The following KCNMA1 variants were observed in gnomAD, a reference collection of about 807,000 sequenced individuals.
KCNMA1 encodes the protein potassium calcium-activated channel subfamily M alpha 1.
In KCNMA1, 29 loss-of-function variants were observed where a neutral mutation model predicts 140.0. The observed-to-expected ratio is 0.21, with a 90% confidence interval of 0.15 to 0.28. KCNMA1 has a LOEUF of 0.28. KCNMA1 is among the 10% of genes least tolerant of loss of function. The pLI, the probability that KCNMA1 is intolerant of heterozygous loss-of-function variation, is 1.00. For synonymous variants in KCNMA1, 612 were observed against 611.9 expected, an observed-to-expected ratio of 1.00 and a Z score of 0.00; for missense variants, 880 against 1,602.2, an observed-to-expected ratio of 0.55 and a Z score of 7.70.
intron 1 of KCNMA1, among the ~76,000 whole-genome samples, chr10:77,624,532 T>C (rs1214431536): frequency 6.6e-6 from 1 of 152,188 alleles, no homozygotes; most frequent in Non-Finnish European, 1.5e-5. Flanking sequence ...ATTTCACTCT[T>C]GTGTTTTATA....
chr10:77,405,950 G>C (rs1029472605), intron 1 of KCNMA1, among the ~76,000 whole-genome samples: 2 of 152,218 alleles, frequency 1.3e-5, no homozygotes, highest in African/African-American at 4.8e-5. Context: ...CCCTCTGGCT[G>C]CCTGTGGCTC....
chr10:76,930,821 A>G (rs897642073), intron 23 of KCNMA1, among the ~76,000 whole-genome samples: 1 of 152,126 alleles, frequency 6.6e-6, no homozygotes, highest in African/African-American at 2.4e-5. Context: ...TAAAAAAGAA[A>G]GAAATTCTGT....
intron 23 of KCNMA1, among the ~76,000 whole-genome samples, chr10:76,931,204 G>A (rs1210282883): frequency 6.6e-6 from 1 of 152,058 alleles, no homozygotes; most frequent in Non-Finnish European, 1.5e-5. Flanking sequence ...TGATGGATGT[G>A]TTTATTAACT....
intron 20 of KCNMA1, among the ~76,000 whole-genome samples, chr10:76,967,624 T>C (rs1907725): frequency 0.48 from 72,341 of 151,936 alleles, 17,686 homozygotes; most frequent in East Asian, 0.62. Context: ...AAAGACGTGG[T>C]AAGGGAGGAG....
intron 1 of KCNMA1, among the ~76,000 whole-genome samples, chr10:77,534,609 G>A (rs185870042): frequency 7.9e-5 from 12 of 152,320 alleles, no homozygotes; most frequent in Admixed American, 7.2e-4. Context: ...GGCATCAAAA[G>A]TTCTGGGTTC....
intron 1 of KCNMA1, among the ~76,000 whole-genome samples, chr10:77,442,893 A>C (rs2097438757): frequency 6.6e-6 from 1 of 152,152 alleles, no homozygotes; most frequent in South Asian, 2.1e-4. Context: ...CATTTCCCTG[A>C]CTGTCTGACA....
intron 1 of KCNMA1, chr10:77,634,145 C>T (rs1302167060): frequency 3.0e-6 from 3 of 985,180 alleles, no homozygotes; most frequent in Non-Finnish European, 3.6e-6. Flanking sequence ...TTCAGGCTAC[C>T]AGAGCAGCTC....
intron 1 of KCNMA1, among the ~76,000 whole-genome samples, chr10:77,450,105 C>A (rs941779968): frequency 2.0e-5 from 3 of 152,082 alleles, no homozygotes; most frequent in African/African-American, 7.2e-5. Context: ...ATTTGAGACA[C>A]AGTGCAGTGG....
chr10:77,174,929 T>G (rs1355521809), intron 5 of KCNMA1, among the ~76,000 whole-genome samples: 1 of 152,196 alleles, frequency 6.6e-6, no homozygotes, highest in African/African-American at 2.4e-5. Flanking sequence ...CCAGAGATTC[T>G]TAGGTTAATG....
chr10:77,262,561 C>T (rs2062301725), intron 2 of KCNMA1, among the ~76,000 whole-genome samples: 1 of 146,432 alleles, frequency 6.8e-6, no homozygotes, highest in Non-Finnish European at 1.5e-5. Context: ...GGAGGTGAGG[C>T]CTGATGGGAG....
chr10:77,396,578 G>T (rs943211180), intron 2 of KCNMA1, among the ~76,000 whole-genome samples: 2 of 152,126 alleles, frequency 1.3e-5, no homozygotes, highest in Non-Finnish European at 2.9e-5. Flanking sequence ...AAACCAATAG[G>T]ATTATTCCTA....
At chr10:77,146,701 C>CAAAAAAAAAAA (rs5786266) in intron 5 of KCNMA1, among the ~76,000 whole-genome samples, 119 of 64,178 alleles carry the variant, frequency 1.9e-3, no homozygotes, top group Non-Finnish European at 2.6e-3. Context: ...GACTTCATCT[C>CAAAAAAAAAAA]AAAAAAAAAA....
At chr10:77,278,054 T>C (rs942893515) in intron 2 of KCNMA1, among the ~76,000 whole-genome samples, 21 of 152,216 alleles carry the variant, frequency 1.4e-4, no homozygotes, top group African/African-American at 4.6e-4. Context: ...TGATGATATG[T>C]ATATAATCAG....
chr10:77,206,145 G>A lies in KCNMA1; in HGVS notation c.603-21229C>T, dbSNP rs189806484. On this transcript the variant is annotated intron_variant, in intron 3 of 27. Coordinates refer to ENST00000286628, the MANE Select transcript of KCNMA1 (RefSeq NM_001161352.2). Reference sequence around the variant, plus strand: ...AACATTTGTTTAATTTAAAGCTTAAGAACAATCTCTTTACATACAAAATAC... The same window carrying A: ...AACATTTGTTTAATTTAAAGCTTAAAAACAATCTCTTTACATACAAAATAC... Among the ~76,000 whole-genome samples the A allele has an allele frequency of 9.2e-5, 14 of 152,210 alleles. No homozygotes were observed. In the East Asian group the frequency reaches 1.7e-3, roughly 19 times the overall value.
chr10:77,634,348 A>G (rs951453621), intron 1 of KCNMA1: 1 of 985,342 alleles, frequency 1.0e-6, no homozygotes, highest in Admixed American at 6.1e-5. Flanking sequence ...ACTTTCTGAA[A>G]AAGTCCACAT....
At chr10:77,311,231 G>A (rs1769022157) in intron 2 of KCNMA1, among the ~76,000 whole-genome samples, 1 of 152,192 alleles carries the variant, frequency 6.6e-6, no homozygotes, top group African/African-American at 2.4e-5. Context: ...GGGGATGTCT[G>A]CTGCTCCTCC....
At chr10:77,161,609 C>T (rs2098555447) in intron 5 of KCNMA1, among the ~76,000 whole-genome samples, 1 of 152,156 alleles carries the variant, frequency 6.6e-6, no homozygotes, top group Non-Finnish European at 1.5e-5. Flanking sequence ...GTCAGGCACA[C>T]TAGGTTCCAT....
At chr10:76,958,642 G>C (rs1442133760) in intron 20 of KCNMA1, among the ~76,000 whole-genome samples, 2 of 152,156 alleles carry the variant, frequency 1.3e-5, no homozygotes, top group East Asian at 3.9e-4. Context: ...ACAAGAAGAG[G>C]AAATTTGGGC....
chr10:77,520,369 C>G (rs1444677725), intron 1 of KCNMA1, among the ~76,000 whole-genome samples: 1 of 151,742 alleles, frequency 6.6e-6, no homozygotes, highest in African/African-American at 2.4e-5. Context: ...GGGCTGGCTC[C>G]AGTTGGTTTC....
Sources: gnomAD v4.1 joint callset for allele counts (sites outside exome capture counted in the v4.1 genomes callset) on GRCh38, gnomAD v4.1.1 for gene constraint, MANE v1.5 for transcripts, NCBI Gene and HGNC (gene_info 2026-07-23, HGNC 2026-07-21) for gene names.